The following IYD variants were observed in gnomAD, a reference collection of about 807,000 sequenced individuals.
The protein encoded by IYD is iodotyrosine deiodinase 1.
IYD carries 25 observed loss-of-function variants against 28.4 expected under a neutral mutation model. The ratio of observed to expected loss-of-function variants is 0.88; its 90% CI spans 0.64 to 1.23. The LOEUF (loss-of-function observed/expected upper bound fraction) is 1.23. Ranked by LOEUF, IYD falls within the 50% of genes most tolerant of loss-of-function variation. The pLI is 0.00. For synonymous variants in IYD, 140 were observed against 130.8 expected, an observed-to-expected ratio of 1.07 and a Z score of -0.48; for missense variants, 352 against 357.9, an observed-to-expected ratio of 0.98 and a Z score of 0.13.
chr6:150,402,041 C>T lies in IYD; in HGVS notation c.*3804C>T, dbSNP rs141380994. 0.011 allele frequency: 1,611 copies of T among 152,334 alleles called. 20 individuals are homozygous for T. Among genetic ancestry groups the T allele is most frequent in the Middle Eastern group, 0.041 (12 of 294 alleles). The allele number at this position is 152,334 out of a possible 1,614,324, so 9.4% of individuals were successfully genotyped here. A position where few individuals can be genotyped will look rare whatever the true frequency, so the allele number is the denominator to read the frequency against. On this transcript the variant is annotated 3_prime_UTR_variant, in exon 5 of 5. Transcript: ENST00000344419. ...AAATGCTCCAGTTCTAATGTATTCC[C>T]AGGTGTTGCTGATGCTGGTGATTGG...
chr6:150,370,688 A>T (rs1036075498), intron 1 of IYD: 2 of 984,738 alleles, frequency 2.0e-6, no homozygotes, highest in African/African-American at 3.5e-5. Flanking sequence ...GCTGGTAAGG[A>T]TGGCCTGGAT....
chr6:150,393,957 AAAAC>A, intron 3 of IYD, 138 bp from the exon 4 acceptor site: 1 of 899,328 alleles, frequency 1.1e-6, no homozygotes, highest in Non-Finnish European at 1.7e-6. Context: ...GAATGAGACA[AAAAC>A]AAAAATTCTG....
intron 1 of IYD, among the ~76,000 whole-genome samples, chr6:150,380,255 T>C (rs1777599453): frequency 6.6e-6 from 1 of 152,184 alleles, no homozygotes; most frequent in Admixed American, 6.5e-5. Context: ...TTTTCCCAAC[T>C]AATCATACCC....
chr6:150,396,320 G>A (rs1029168105), intron 4 of IYD: 1 of 449,156 alleles, frequency 2.2e-6, no homozygotes. Context: ...GCCCTTTGGG[G>A]GTCTGAGGAT....
rs1035338632 is a variant in IYD, at chr6:150,405,910, C to T, written c.*7673C>T. 27 of 152,172 alleles carry T rather than the reference C, an allele frequency of 1.8e-4. No homozygotes were observed. Among genetic ancestry groups the T allele is most frequent in the African/African-American group, 6.0e-4 (25 of 41,434 alleles). The allele number at this position is 152,172 out of a possible 1,614,324, so 9.4% of individuals were successfully genotyped here. On this transcript the variant is annotated 3_prime_UTR_variant, in exon 5 of 5. Coordinates refer to ENST00000344419, the MANE Select transcript of IYD (RefSeq NM_203395.3). ...ACCATGGGAGGGGAACAAGGAGAAG[C>T]AGTGTGAACAGGAAAAGCATGCTGC...
At chr6:150,391,942 C>A (rs1315214428) in intron 2 of IYD, among the ~76,000 whole-genome samples, 1 of 151,950 alleles carries the variant, frequency 6.6e-6, no homozygotes, top group Non-Finnish European at 1.5e-5. Context: ...CTCCTGACCT[C>A]AGGTGATCCA....
intron 1 of IYD, among the ~76,000 whole-genome samples, chr6:150,376,886 TG>T (rs1777463472): frequency 6.6e-6 from 1 of 152,120 alleles, no homozygotes; most frequent in African/African-American, 2.4e-5. Flanking sequence ...CCTCCCAAAG[TG>T]CTGAGATTAC....
chr6:150,389,565 C>T (rs752425293), intron 2 of IYD, 22 bp downstream of exon 2: 7 of 1,602,992 alleles, frequency 4.4e-6, no homozygotes, highest in Middle Eastern at 1.7e-4. Flanking sequence ...CAGATGGGGT[C>T]TTTGGAAATG....
rs1470801279 is a variant in IYD, at chr6:150,401,041, G to C, written c.*2804G>C. 1 of 152,172 alleles carries C rather than the reference G, an allele frequency of 6.6e-6. No individual in the cohort carries two copies. The highest frequency in any genetic ancestry group is 1.5e-5 in the Non-Finnish European group (1 of 68,044). The allele number at this position is 152,172 out of a possible 1,614,324, so 9.4% of individuals were successfully genotyped here. A position where few individuals can be genotyped will look rare whatever the true frequency, so the allele number is the denominator to read the frequency against. The stretch of plus-strand genomic sequence containing the variant: ...CTCCAGGAAAAAAGGTGTGTGTATA[G>C]GTGTGTGTTTGGAGAGTGTGAGCGA... On this transcript the variant is annotated 3_prime_UTR_variant, in exon 5 of 5. Transcript: ENST00000344419.
rs563076774 is a variant in IYD at position 150,394,134 on chromosome 6, C to T, written c.566C>T (p.Pro189Leu). The part of the protein sequence containing the change: ...NWIKEYLDTA[P>L]ILILIFKQVH... The stretch of plus-strand genomic sequence containing the variant: ...ATTAAAGAGTACTTGGATACTGCCC[C>T]TATTTTGATTCTCATTTTCAAACAA... The change falls in exon 4 of 5, where the codon CCT becomes CTT. Residue 189 changes from proline to leucine, a missense_variant. Coordinates refer to ENST00000344419, the MANE Select transcript of IYD (RefSeq NM_203395.3). 1.9e-5 allele frequency: 31 copies of T among 1,614,126 alleles called. No individual in the cohort carries two copies. Among genetic ancestry groups the T allele is most frequent in the Non-Finnish European group, 2.3e-5 (27 of 1,180,006 alleles).
At chr6:150,393,537 G>T (rs927195147) in intron 3 of IYD, among the ~76,000 whole-genome samples, 1 of 152,152 alleles carries the variant, frequency 6.6e-6, no homozygotes, top group African/African-American at 2.4e-5. Flanking sequence ...ATATCCTAAG[G>T]TAAAATCCCA....
chr6:150,369,248 G>A, intron 1 of IYD, 39 bp downstream of exon 1: 2 of 1,598,008 alleles, frequency 1.3e-6, no homozygotes, highest in Non-Finnish European at 1.7e-6. Flanking sequence ...TCGCTGTCGT[G>A]TTGTGTTGAT....
chr6:150,390,204 A>C (rs1778059889), intron 2 of IYD, among the ~76,000 whole-genome samples: 1 of 152,216 alleles, frequency 6.6e-6, no homozygotes, highest in Non-Finnish European at 1.5e-5. Flanking sequence ...AAAAATTATC[A>C]CATGCCCGTT....
chr6:150,383,454 T>C (rs1777727635), intron 1 of IYD, among the ~76,000 whole-genome samples: 1 of 152,198 alleles, frequency 6.6e-6, no homozygotes, highest in Non-Finnish European at 1.5e-5. Flanking sequence ...TTGACCGTCA[T>C]TTCCTACAAT....
intron 2 of IYD, 155 bp from the exon 3 acceptor site, chr6:150,392,190 T>G (rs960146984): frequency 7.9e-6 from 4 of 504,972 alleles, no homozygotes; most frequent in Non-Finnish European, 1.0e-5. Flanking sequence ...CAGCACACCC[T>G]GCTAGTTAAA....
chr6:150,379,606 T>A (rs1777573903), intron 1 of IYD, among the ~76,000 whole-genome samples: 1 of 152,250 alleles, frequency 6.6e-6, no homozygotes, highest in South Asian at 2.1e-4. Context: ...GGAATAAGGT[T>A]ATTGTTCCAA....
intron 1 of IYD, among the ~76,000 whole-genome samples, chr6:150,376,652 G>T (rs763333838): frequency 6.6e-6 from 1 of 151,576 alleles, no homozygotes; most frequent in African/African-American, 2.4e-5. Context: ...AATAGATGGG[G>T]TATTGCTTTG....
Position 150,379,010 on chromosome 6 carries a change from C to G in IYD, c.178+9801C>G, listed in dbSNP as rs537539410. Among the ~76,000 whole-genome samples, 3 of 152,330 alleles carry G rather than the reference C, an allele frequency of 2.0e-5. No individual in the cohort carries two copies. In the South Asian group the frequency reaches 6.2e-4, roughly 32 times the overall value. On this transcript the variant is annotated intron_variant, in intron 1 of 4. Transcript: ENST00000344419. ...TGGGATCTCACCTTCAAAGCTCACA[C>G]ATTTCCTTTTGTACTTGACACCTGC...
At chr6:150,385,216 C>T (rs1777816068) in intron 1 of IYD, 1 of 152,098 alleles carries the variant, frequency 6.6e-6, no homozygotes, top group Admixed American at 6.6e-5. Context: ...AAGACATTCT[C>T]TTATATTCTC....
Sources: gnomAD v4.1 joint callset for allele counts (sites outside exome capture counted in the v4.1 genomes callset) on GRCh38, gnomAD v4.1.1 for gene constraint, MANE v1.5 for transcripts, NCBI Gene and HGNC (gene_info 2026-07-23, HGNC 2026-07-21) for gene names.